IQCH: variants seen among roughly 807,000 people sequenced by gnomAD.
IQCH encodes IQ motif containing H, also known as IQ domain-containing protein H.
A neutral mutation model predicts 117.0 loss-of-function variants in IQCH; 98 were observed. The ratio of observed to expected loss-of-function variants is 0.84; its 90% confidence interval spans 0.71 to 0.99. The LOEUF (loss-of-function observed/expected upper bound fraction) is 0.99. Among genes scored for constraint, IQCH ranks in the 50% least tolerant of loss-of-function variants. The pLI is 0.00. For missense variants in IQCH, 1,102 were observed against 1,243.8 expected, an observed-to-expected ratio of 0.89 and a Z score of 1.72; for synonymous variants, 412 against 448.2, an observed-to-expected ratio of 0.92 and a Z score of 1.02.
Position 67,403,369 on chromosome 15 carries a change from C to CA in IQCH, c.2097+3065dup, listed in dbSNP as rs1301470585. The stretch of plus-strand genomic sequence containing the variant: ...TCAGCAGATGCTGAAAAGTTGTAGT[C>CA]ACGGTTAAAAAAAAATCAGTAGAGA... On this transcript the variant is annotated intron_variant, in intron 14 of 20. Transcript: ENST00000335894. The surrounding 1 kb of genome is among the most constrained non-coding windows in gnomAD (Gnocchi z 4.8). Among the ~76,000 whole-genome samples the CA allele has an allele frequency of 2.0e-5, 3 of 151,844 alleles. No individual in the cohort carries two copies. Among genetic ancestry groups the CA allele is most frequent in the African/African-American group, 7.3e-5 (3 of 41,310 alleles).
intron 14 of IQCH, among the ~76,000 whole-genome samples, chr15:67,414,683 A>AAT (rs929035784): frequency 8.7e-5 from 13 of 148,936 alleles, no homozygotes; most frequent in East Asian, 5.8e-4. Flanking sequence ...TATATAATAT[A>AAT]ATATATATAT....
intron 6 of IQCH, among the ~76,000 whole-genome samples, chr15:67,351,304 T>C (rs563121343): frequency 6.6e-6 from 1 of 152,014 alleles, no homozygotes; most frequent in East Asian, 1.9e-4. Flanking sequence ...TGTGTTCTCA[T>C]TGTTCAGCTC....
Position 67,427,657 on chromosome 15 carries a change from AC to A in IQCH, c.2505+6081del, listed in dbSNP as rs929401274. Among the ~76,000 whole-genome samples the A allele has an allele frequency of 6.6e-6, 1 of 152,234 alleles. No individual in the cohort carries two copies. The highest frequency in any genetic ancestry group is 2.4e-5 in the African/African-American group (1 of 41,464). Reference sequence around the variant, plus strand: ...GTTCAAAACAGTCTTTATTTCAATAACATTTTAAAGCACTTATTTTCTGTAT... The same window carrying A: ...GTTCAAAACAGTCTTTATTTCAATAAATTTTAAAGCACTTATTTTCTGTAT... On this transcript the variant is annotated intron_variant, in intron 16 of 20. Transcript: ENST00000335894. This position sits in a 1 kb window ranked among gnomAD's most constrained non-coding sequence, Gnocchi z 4.7.
intron 3 of IQCH, among the ~76,000 whole-genome samples, chr15:67,266,319 T>G (rs1442637005): frequency 6.6e-6 from 1 of 152,156 alleles, no homozygotes; most frequent in Non-Finnish European, 1.5e-5. Context: ...TGCTTAATCT[T>G]GTTAATTATG....
At chr15:67,290,802 G>A (rs921199839) in intron 4 of IQCH, among the ~76,000 whole-genome samples, 1 of 152,130 alleles carries the variant, frequency 6.6e-6, no homozygotes, top group African/African-American at 2.4e-5. Flanking sequence ...CATTCACTGT[G>A]CCCAGCTCTG....
intron 13 of IQCH, 52 bp from the exon 14 acceptor site, chr15:67,400,062 G>A: frequency 6.9e-7 from 1 of 1,453,634 alleles, no homozygotes; most frequent in Middle Eastern, 1.8e-4. Flanking sequence ...CGATAAAAAG[G>A]AATCCCAGGA....
intron 4 of IQCH, among the ~76,000 whole-genome samples, chr15:67,303,045 T>C (rs920846009): frequency 6.6e-6 from 1 of 152,174 alleles, no homozygotes; most frequent in Non-Finnish European, 1.5e-5. Flanking sequence ...GTCAAAGAAA[T>C]AGATGGATCA....
At chr15:67,269,659 C>T (rs183543800) in intron 3 of IQCH, among the ~76,000 whole-genome samples, 1 of 151,494 alleles carries the variant, frequency 6.6e-6, no homozygotes, top group East Asian at 2.0e-4. Flanking sequence ...CTCCTTGCCT[C>T]TGGTAACCAC....
At chr15:67,298,467 A>G in intron 4 of IQCH, among the ~76,000 whole-genome samples, 1 of 152,186 alleles carries the variant, frequency 6.6e-6, no homozygotes, top group East Asian at 1.9e-4. Flanking sequence ...GACAGGCAAT[A>G]ACAAATGCTG....
intron 5 of IQCH, among the ~76,000 whole-genome samples, chr15:67,338,055 G>A (rs1248329592): frequency 6.6e-6 from 1 of 152,166 alleles, no homozygotes; most frequent in African/African-American, 2.4e-5. Flanking sequence ...ATGCTTTCTA[G>A]TTAGCTTATG....
chr15:67,362,795 C>T (rs1302861111), intron 8 of IQCH, among the ~76,000 whole-genome samples: 1 of 152,206 alleles, frequency 6.6e-6, no homozygotes, highest in Non-Finnish European at 1.5e-5. Context: ...TACCTCTTTG[C>T]TATCAAACTA....
chr15:67,492,094 C>CT (rs2083670694), intron 19 of IQCH, among the ~76,000 whole-genome samples: 1 of 152,020 alleles, frequency 6.6e-6, no homozygotes, highest in Non-Finnish European at 1.5e-5. Context: ...CATAGGCCAC[C>CT]GGGAATTACC....
chr15:67,495,355 T>C (rs2083776797), intron 20 of IQCH, among the ~76,000 whole-genome samples: 1 of 152,168 alleles, frequency 6.6e-6, no homozygotes, highest in Admixed American at 6.5e-5. Context: ...TGCTCATTAT[T>C]TACTGGTTTT....
At chr15:67,327,877 C>T (rs751116045) in intron 4 of IQCH, among the ~76,000 whole-genome samples, 1 of 152,056 alleles carries the variant, frequency 6.6e-6, no homozygotes, top group Non-Finnish European at 1.5e-5. Flanking sequence ...TTGCAATTTC[C>T]TCATTTCTAT....
chr15:67,377,955 G>A (rs1293743200), intron 10 of IQCH, among the ~76,000 whole-genome samples: 2 of 152,026 alleles, frequency 1.3e-5, no homozygotes, highest in African/African-American at 4.8e-5. Flanking sequence ...AAAAATTATG[G>A]ATCCTGTTAT....
intron 4 of IQCH, chr15:67,281,881 A>C: frequency 2.5e-6 from 1 of 406,742 alleles, no homozygotes; most frequent in South Asian, 1.8e-5. Flanking sequence ...GCTCATCTGC[A>C]TGTAAAATAT....
intron 4 of IQCH, chr15:67,306,677 C>T (rs1967313757): frequency 3.0e-6 from 2 of 674,206 alleles, no homozygotes; most frequent in African/African-American, 1.8e-5. Flanking sequence ...ACTCATATTG[C>T]AAAACTATCT....
At chr15:67,329,829 C>CACAG (rs1335908902) in intron 4 of IQCH, among the ~76,000 whole-genome samples, 1 of 151,384 alleles carries the variant, frequency 6.6e-6, no homozygotes, top group Non-Finnish European at 1.5e-5. Flanking sequence ...TATACACACA[C>CACAG]ACACACACAC....
chr15:67,485,059 A>T (rs1386460582), intron 18 of IQCH, among the ~76,000 whole-genome samples: 1 of 152,212 alleles, frequency 6.6e-6, no homozygotes, highest in Non-Finnish European at 1.5e-5. Flanking sequence ...GAAAGCTAGA[A>T]GACAATGGGA....
Sources: gnomAD v4.1 joint callset for allele counts (sites outside exome capture counted in the v4.1 genomes callset) on GRCh38, gnomAD v4.1.1 for gene constraint, Gnocchi (gnomAD v3.1) non-coding constraint, MANE v1.5 for transcripts, NCBI Gene and HGNC (gene_info 2026-07-23, HGNC 2026-07-21) for gene names.